CCDC60: variants seen among roughly 807,000 people sequenced by gnomAD.
CCDC60 encodes the protein coiled-coil domain-containing protein 60.
In CCDC60, 54 loss-of-function variants were observed where a neutral mutation model predicts 63.5. The observed-to-expected ratio is 0.85, with a 90% confidence interval of 0.68 to 1.07. CCDC60 has a LOEUF of 1.07. Among genes scored for constraint, CCDC60 ranks in the 50% least tolerant of loss-of-function variants. The probability of loss-of-function intolerance (pLI) is 0.00; values close to 1 mark genes in which losing one functional copy is unlikely to be tolerated. For missense variants in CCDC60, 651 were observed against 684.3 expected, an observed-to-expected ratio of 0.95 and a Z score of 0.54; for synonymous variants, 206 against 238.8, an observed-to-expected ratio of 0.86 and a Z score of 1.27.
intron 2 of CCDC60, among the ~76,000 whole-genome samples, chr12:119,455,423 G>A (rs1209226302): frequency 6.6e-6 from 1 of 152,180 alleles, no homozygotes; most frequent in Non-Finnish European, 1.5e-5. Context: ...AGGAGCTGTG[G>A]GTGCACTTGA....
At position 119,409,954 on chromosome 12, in the gene CCDC60, G is replaced by T. The variant is rs1325193104; in HGVS notation, c.91-18729G>T. ...AACTTCCAATTCCATCCTCTTCTCA[G>T]AGCTCCAATCCATGCATTAATGACA... On this transcript the variant is annotated intron_variant, in intron 1 of 13. Coordinates refer to ENST00000327554, the MANE Select transcript of CCDC60 (RefSeq NM_178499.5). Among the ~76,000 whole-genome samples the T allele has an allele frequency of 2.0e-5, 3 of 151,850 alleles. No homozygotes were observed. The East Asian group carries it at 5.8e-4, about 29-fold the overall frequency.
chr12:119,503,037 C>A (rs1378961243), intron 6 of CCDC60, among the ~76,000 whole-genome samples: 1 of 152,002 alleles, frequency 6.6e-6, no homozygotes, highest in Non-Finnish European at 1.5e-5. Flanking sequence ...ATTGGCCAGG[C>A]ATGGTGGTGG....
chr12:119,348,810 A>G (rs1332937690), intron 1 of CCDC60, among the ~76,000 whole-genome samples: 1 of 152,240 alleles, frequency 6.6e-6, no homozygotes, highest in Non-Finnish European at 1.5e-5. Flanking sequence ...CTGATAAATC[A>G]TCATTCTCTC....
chr12:119,500,906 A>G (rs1041404180), intron 6 of CCDC60, among the ~76,000 whole-genome samples: 9 of 152,232 alleles, frequency 5.9e-5, no homozygotes, highest in African/African-American at 9.6e-5. Flanking sequence ...AAGATTTTCT[A>G]CAAACTAGAA....
intron 2 of CCDC60, among the ~76,000 whole-genome samples, chr12:119,443,572 A>G (rs1950485547): frequency 6.6e-6 from 1 of 152,048 alleles, no homozygotes; most frequent in Admixed American, 6.6e-5. Flanking sequence ...AAGTCATGAT[A>G]ATAATAATAA....
At chr12:119,406,266 T>G (rs1362143289) in intron 1 of CCDC60, among the ~76,000 whole-genome samples, 1 of 151,952 alleles carries the variant, frequency 6.6e-6, no homozygotes. Flanking sequence ...CGTCTTTGAC[T>G]CCTTACTTTG....
chr12:119,512,592 C>T lies in CCDC60; in HGVS notation c.884-4031C>T, dbSNP rs1419367002. Among the ~76,000 whole-genome samples the T allele has an allele frequency of 2.0e-5, 3 of 152,178 alleles. No homozygotes were observed. In the East Asian group the frequency reaches 5.8e-4, roughly 29 times the overall value. ...ATGGGAAGATAGCATTCTTCCAGAA[C>T]CCCAGAGGAGGGAGGAAAATGTGAT... On this transcript the variant is annotated intron_variant, in intron 7 of 13. Transcript: ENST00000327554.
intron 2 of CCDC60, among the ~76,000 whole-genome samples, chr12:119,459,412 A>G (rs1950814297): frequency 6.6e-6 from 1 of 152,220 alleles, no homozygotes; most frequent in African/African-American, 2.4e-5. Flanking sequence ...AACTGATTCC[A>G]TCTTGCTTCT....
At chr12:119,474,189 G>A (rs1462673468) in intron 3 of CCDC60, among the ~76,000 whole-genome samples, 1 of 152,200 alleles carries the variant, frequency 6.6e-6, no homozygotes, top group East Asian at 1.9e-4. Flanking sequence ...AAAGGAATAG[G>A]TGTTGGCTTG....
intron 9 of CCDC60, among the ~76,000 whole-genome samples, chr12:119,521,244 T>G (rs1244551001): frequency 6.6e-6 from 1 of 152,218 alleles, no homozygotes; most frequent in Admixed American, 6.5e-5. Flanking sequence ...GATAGGCAAA[T>G]ACCTGCAATT....
intron 1 of CCDC60, among the ~76,000 whole-genome samples, chr12:119,409,916 C>A (rs1956562657): frequency 6.6e-6 from 1 of 152,050 alleles, no homozygotes; most frequent in Admixed American, 6.6e-5. Flanking sequence ...GTTAATTCAA[C>A]ACTCCTTACC....
chr12:119,505,094 T>C lies in CCDC60; in HGVS notation c.674T>C (p.Met225Thr), dbSNP rs1951956405. The change falls in exon 7 of 14, where the codon ATG becomes ACG. Residue 225 changes from methionine (M) to threonine (T), a missense_variant. Physicochemically the swap from Met to Thr is moderately conservative, Grantham distance 81 (BLOSUM62 -1). Coordinates refer to ENST00000327554, the MANE Select transcript of CCDC60 (RefSeq NM_178499.5). ...ACCAAGAAATTCAAAATTCCCACAA[T>C]GCGAGTCACCAACCGCAAACCAAGC... ...PKTKKFKIPT[M>T]RVTNRKPSRR... The C allele has an allele frequency of 4.4e-6, 7 of 1,607,618 alleles. 1 individual carries two copies. The South Asian group carries it at 5.5e-5, about 13-fold the overall frequency.
chr12:119,536,571 T>C (rs945804779), intron 13 of CCDC60, among the ~76,000 whole-genome samples: 11 of 152,218 alleles, frequency 7.2e-5, no homozygotes, highest in African/African-American at 2.7e-4. Context: ...CCTTTTTATG[T>C]TTAGTGCTTC....
At chr12:119,341,964 G>T (rs1208209129) in intron 1 of CCDC60, among the ~76,000 whole-genome samples, 2 of 152,144 alleles carry the variant, frequency 1.3e-5, no homozygotes, top group East Asian at 1.9e-4. Flanking sequence ...AGAGCCAAAG[G>T]GTAGTGAGGA....
At chr12:119,474,204 T>C (rs151079996) in intron 3 of CCDC60, among the ~76,000 whole-genome samples, 1 of 152,306 alleles carries the variant, frequency 6.6e-6, no homozygotes, top group East Asian at 1.9e-4. Flanking sequence ...GGCTTGGATA[T>C]TCATAGAATT....
intron 1 of CCDC60, among the ~76,000 whole-genome samples, chr12:119,350,136 T>C (rs905214499): frequency 2.0e-5 from 3 of 152,158 alleles, no homozygotes; most frequent in African/African-American, 7.2e-5. Flanking sequence ...GCCCCTATCT[T>C]GAACCAGGGA....
chr12:119,494,843 G>T (rs1951683569), intron 5 of CCDC60, among the ~76,000 whole-genome samples: 1 of 152,202 alleles, frequency 6.6e-6, no homozygotes, highest in African/African-American at 2.4e-5. Flanking sequence ...AGCCAGGCTT[G>T]GTGGCACATG....
At chr12:119,516,554 A>T (rs917201928) in intron 7 of CCDC60, 69 bp from the exon 8 acceptor site, 4 of 1,093,010 alleles carry the variant, frequency 3.7e-6, no homozygotes, top group Non-Finnish European at 4.1e-6. Context: ...GGGGGGCTGC[A>T]CCCTGTTCTG....
chr12:119,389,860 T>C (rs375505980), intron 1 of CCDC60, among the ~76,000 whole-genome samples: 53 of 152,178 alleles, frequency 3.5e-4, no homozygotes, highest in African/African-American at 1.2e-3. Flanking sequence ...TTACCATTAG[T>C]GGCTGATGAA....
Sources: gnomAD v4.1 joint callset for allele counts (sites outside exome capture counted in the v4.1 genomes callset) on GRCh38, gnomAD v4.1.1 for gene constraint, MANE v1.5 for transcripts, NCBI Gene and HGNC (gene_info 2026-07-23, HGNC 2026-07-21) for gene names.